The following AGBL4 variants were observed in gnomAD, a reference collection of about 807,000 sequenced individuals.
AGBL4 encodes the protein cytosolic carboxypeptidase 6.
A neutral mutation model predicts 66.4 loss-of-function variants in AGBL4; 58 were observed. That is an observed-to-expected ratio of 0.87 (90% CI 0.71 to 1.09). The LOEUF (loss-of-function observed/expected upper bound fraction) is 1.09. Ranked by LOEUF, AGBL4 falls within the 50% of genes least tolerant of loss-of-function variation. The pLI is 0.00. For missense variants in AGBL4, 579 were observed against 631.0 expected (o/e 0.92, Z 0.88); for synonymous variants, 234 against 222.9 (o/e 1.05, Z -0.44).
intron 3 of AGBL4, among the ~76,000 whole-genome samples, chr1:49,361,017 C>T (rs941948446): frequency 1.3e-5 from 2 of 151,936 alleles, no homozygotes; most frequent in African/African-American, 2.4e-5. Context: ...AGGCTGCTCT[C>T]GAACTCCTGA....
At chr1:49,108,102 G>C (rs1645333863) in intron 4 of AGBL4, among the ~76,000 whole-genome samples, 1 of 152,164 alleles carries the variant, frequency 6.6e-6, no homozygotes, top group Non-Finnish European at 1.5e-5. Flanking sequence ...TGCTACCAGG[G>C]ATCTTCACTT....
rs145553243 is a variant in AGBL4, at chr1:49,813,466, G to A, written c.157+37930C>T. Among the ~76,000 whole-genome samples, 15 of 151,994 alleles carry A rather than the reference G, an allele frequency of 9.9e-5. No individual in the cohort carries two copies. The East Asian group carries it at 2.7e-3, about 28-fold the overall frequency. On this transcript the variant is annotated intron_variant, in intron 2 of 13. Transcript: ENST00000371839. Reference sequence around the variant, plus strand: ...CCAATACCCTCTATTCTCAGCCCTCGTCTCCTGACACCACTCTTTATCCCT... The same window carrying A: ...CCAATACCCTCTATTCTCAGCCCTCATCTCCTGACACCACTCTTTATCCCT...
intron 4 of AGBL4, among the ~76,000 whole-genome samples, chr1:49,073,151 T>A (rs1186035251): frequency 6.6e-6 from 1 of 152,180 alleles, no homozygotes; most frequent in Non-Finnish European, 1.5e-5. Context: ...TCATCTAAGT[T>A]TTTTTCAAGG....
intron 3 of AGBL4, among the ~76,000 whole-genome samples, chr1:49,413,230 A>C (rs1287880405): frequency 6.6e-6 from 1 of 152,188 alleles, no homozygotes; most frequent in Admixed American, 6.6e-5. Context: ...TAAGTAATCA[A>C]CACTTCATAT....
At chr1:49,155,457 A>G (rs1646412280) in intron 4 of AGBL4, among the ~76,000 whole-genome samples, 1 of 152,156 alleles carries the variant, frequency 6.6e-6, no homozygotes, top group Non-Finnish European at 1.5e-5. Flanking sequence ...GATAGGGGCT[A>G]TTTTTATCTC....
intron 5 of AGBL4, among the ~76,000 whole-genome samples, chr1:49,008,449 T>C (rs1340600684): frequency 2.7e-5 from 4 of 149,240 alleles, no homozygotes; most frequent in Non-Finnish European, 6.0e-5. Context: ...CACCCCACTG[T>C]CAACATTAGA....
chr1:48,618,756 T>C (rs1336312582), intron 9 of AGBL4, among the ~76,000 whole-genome samples: 2 of 152,208 alleles, frequency 1.3e-5, no homozygotes, highest in African/African-American at 2.4e-5. Flanking sequence ...TCCCAGATCC[T>C]AATTTACCTA....
At chr1:49,032,923 A>C (rs191463771) in intron 5 of AGBL4, among the ~76,000 whole-genome samples, 2 of 152,196 alleles carry the variant, frequency 1.3e-5, no homozygotes, top group East Asian at 3.9e-4. Context: ...CCAGGAATGC[A>C]GCAGGTGTGT....
chr1:49,588,396 C>T (rs1644690637), intron 3 of AGBL4, among the ~76,000 whole-genome samples: 1 of 152,110 alleles, frequency 6.6e-6, no homozygotes, highest in African/African-American at 2.4e-5. Flanking sequence ...TCCTAGCACC[C>T]AGTACAAATT....
intron 9 of AGBL4, among the ~76,000 whole-genome samples, chr1:48,610,984 A>C (rs320021): frequency 0.7 from 105,800 of 152,120 alleles, 37,207 homozygotes; most frequent in Non-Finnish European, 0.76. Flanking sequence ...GTCCTGAGCC[A>C]GTAATATTTA....
intron 3 of AGBL4, among the ~76,000 whole-genome samples, chr1:49,692,900 C>G (rs989872076): frequency 6.6e-6 from 1 of 151,984 alleles, no homozygotes; most frequent in Non-Finnish European, 1.5e-5. Flanking sequence ...ATACATCAGA[C>G]GACAATCTAT....
intron 3 of AGBL4, among the ~76,000 whole-genome samples, chr1:49,372,673 TTCTTTCTC>T (rs1644388047): frequency 2.3e-5 from 3 of 131,198 alleles, no homozygotes; most frequent in Non-Finnish European, 3.3e-5. Flanking sequence ...CTTTCTTTCT[TTCTTTCTC>T]TTTCTTTCTC....
intron 4 of AGBL4, among the ~76,000 whole-genome samples, chr1:49,100,319 T>C (rs1223813798): frequency 6.6e-6 from 1 of 152,160 alleles, no homozygotes. Context: ...CCGTTGGATG[T>C]AGAGTCCTTA....
chr1:48,853,809 A>G (rs1329832190), intron 6 of AGBL4, among the ~76,000 whole-genome samples: 1 of 152,140 alleles, frequency 6.6e-6, no homozygotes, highest in Non-Finnish European at 1.5e-5. Context: ...ACACTGGCCT[A>G]CAAGAGATAT....
intron 3 of AGBL4, among the ~76,000 whole-genome samples, chr1:49,471,182 G>A (rs1646735720): frequency 6.6e-6 from 1 of 151,694 alleles, no homozygotes; most frequent in Admixed American, 6.6e-5. Context: ...CTAGTCAACA[G>A]ATTTGCTTCC....
chr1:49,233,569 T>C (rs1257442183), intron 4 of AGBL4, among the ~76,000 whole-genome samples: 2 of 152,154 alleles, frequency 1.3e-5, no homozygotes, highest in African/African-American at 2.4e-5. Context: ...ACAGACACTG[T>C]CCTCAAGGAA....
At chr1:49,214,453 CAG>C (rs995805119) in intron 4 of AGBL4, among the ~76,000 whole-genome samples, 8 of 152,182 alleles carry the variant, frequency 5.3e-5, no homozygotes, top group African/African-American at 1.7e-4. Context: ...CACGGCAGTA[CAG>C]AGAGAGAATT....
chr1:48,938,363 A>G (rs986840010), intron 5 of AGBL4, among the ~76,000 whole-genome samples: 2 of 152,206 alleles, frequency 1.3e-5, no homozygotes, highest in Non-Finnish European at 2.9e-5. Context: ...CTAATGAAAG[A>G]GACAGAGATT....
intron 6 of AGBL4, among the ~76,000 whole-genome samples, chr1:48,791,812 A>AT (rs1645558583): frequency 6.6e-6 from 1 of 152,248 alleles, no homozygotes; most frequent in Non-Finnish European, 1.5e-5. Context: ...TTCATAAAAC[A>AT]TAAAAAAAAG....
Sources: gnomAD v4.1 joint callset for allele counts (sites outside exome capture counted in the v4.1 genomes callset) on GRCh38, gnomAD v4.1.1 for gene constraint, MANE v1.5 for transcripts, NCBI Gene and HGNC (gene_info 2026-07-23, HGNC 2026-07-21) for gene names.